The following LYRM4 variants were observed in gnomAD, a reference collection of about 807,000 sequenced individuals.
The protein encoded by LYRM4 is LYR motif containing 4.
Under a neutral mutation model 11.7 loss-of-function variants are expected in LYRM4, and 9 were observed. The ratio of observed to expected loss-of-function variants is 0.77; its 90% CI spans 0.46 to 1.34. LYRM4 has a LOEUF of 1.34. Ranked by LOEUF, LYRM4 falls within the 40% of genes most tolerant of loss-of-function variation. LYRM4 has a pLI of 0.00. For missense variants in LYRM4, 133 were observed against 112.5 expected (o/e 1.18, Z -0.82); for synonymous variants, 42 against 40.4 (o/e 1.04, Z -0.15).
At chr6:5,184,373 G>A (rs1213658381) in intron 2 of LYRM4, among the ~76,000 whole-genome samples, 2 of 152,100 alleles carry the variant, frequency 1.3e-5, no homozygotes, top group Non-Finnish European at 2.9e-5. Context: ...AAAAGAAGTT[G>A]AAATTTTCTT....
At chr6:5,039,916 A>G in the LYRM4 span, among the ~76,000 whole-genome samples, 1 of 152,354 alleles carries the variant, frequency 6.6e-6, no homozygotes, top group Middle Eastern at 3.4e-3. Context: ...ATAGACCAAT[A>G]GAAAAGAACA....
At chr6:5,042,939 A>T in the LYRM4 span, 2 of 152,290 alleles carry the variant, frequency 1.3e-5, no homozygotes, top group African/African-American at 4.8e-5. Context: ...TGCCATTCTA[A>T]AATTGACGAA....
At chr6:5,186,710 A>C (rs1760415076) in intron 2 of LYRM4, 1 of 989,802 alleles carries the variant, frequency 1.0e-6, no homozygotes, top group African/African-American at 1.8e-5. Flanking sequence ...TCTGCCGGGC[A>C]CAGTGGTTCA....
At chr6:5,067,806 C>T in the LYRM4 span, among the ~76,000 whole-genome samples, 11 of 152,110 alleles carry the variant, frequency 7.2e-5, no homozygotes, top group South Asian at 2.1e-4. Flanking sequence ...AGTATTAAAA[C>T]AAATCCCATG....
the LYRM4 span, chr6:5,034,576 C>G: frequency 2.0e-5 from 3 of 152,394 alleles, no homozygotes; most frequent in African/African-American, 7.2e-5. Flanking sequence ...CTCTTGCTTC[C>G]TCTCTCACCA....
chr6:5,051,598 C>CT, the LYRM4 span, among the ~76,000 whole-genome samples: 2 of 152,172 alleles, frequency 1.3e-5, no homozygotes, highest in South Asian at 4.1e-4. Flanking sequence ...CAAAACTATC[C>CT]TTTAAAAATG....
In LYRM4 at chr6:5,233,643, A is replaced by ATC. The variant is rs576689793; in HGVS notation, c.87-16907_87-16906dup. Reference sequence around the variant, plus strand: ...ATCCTAAGAAGTGCCTCAGATCTCAATCTCTCTCTCTCTTTTTAAAGACAG... The same window carrying ATC: ...ATCCTAAGAAGTGCCTCAGATCTCAATCTCTCTCTCTCTCTTTTTAAAGACAG... On this transcript the variant is annotated intron_variant, in intron 1 of 2. Transcript: ENST00000330636. Among the ~76,000 whole-genome samples, 184 of 151,966 alleles carry ATC rather than the reference A, an allele frequency of 1.2e-3. 1 individual carries two copies. The highest frequency in any genetic ancestry group is 4.2e-3 in the African/African-American group (173 of 41,438).
chr6:5,144,960 A>T (rs200867), intron 2 of LYRM4, among the ~76,000 whole-genome samples: 2 of 152,106 alleles, frequency 1.3e-5, no homozygotes, highest in African/African-American at 2.4e-5. Flanking sequence ...ATGAGCCCAA[A>T]GTGAGAGTCA....
At chr6:5,085,241 G>C in the LYRM4 span, 71 of 465,438 alleles carry the variant, frequency 1.5e-4, no homozygotes, top group Non-Finnish European at 2.2e-4. Context: ...GGTTCAACCG[G>C]GAGGCGGCGT....
Position 5,108,879 on chromosome 6 carries a change from C to T in LYRM4, c.*544G>A, listed in dbSNP as rs565988062. 174 of 988,388 alleles carry T rather than the reference C, an allele frequency of 1.8e-4. 1 individual carries two copies. The African/African-American group carries it at 2.3e-3, about 13-fold the overall frequency. The allele number at this position is 988,388 out of a possible 1,614,324, so 61.2% of individuals were successfully genotyped here. A position where few individuals can be genotyped will look rare whatever the true frequency, so the allele number is the denominator to read the frequency against. ...CTCAGGTATAAGTTGCAGGGTGCACCGTGTATCCCCGTAGCCCTGCCCTAC... is the reference window on the plus strand; with the variant it reads ...CTCAGGTATAAGTTGCAGGGTGCACTGTGTATCCCCGTAGCCCTGCCCTAC... On this transcript the variant is annotated 3_prime_UTR_variant, in exon 3 of 3. Transcript: ENST00000330636.
chr6:5,049,312 C>G, the LYRM4 span, among the ~76,000 whole-genome samples: 1 of 152,202 alleles, frequency 6.6e-6, no homozygotes, highest in African/African-American at 2.4e-5. Context: ...CCATTGGACT[C>G]TGAAGGCACT....
At chr6:5,163,405 C>T (rs1269501561) in intron 2 of LYRM4, among the ~76,000 whole-genome samples, 3 of 152,056 alleles carry the variant, frequency 2.0e-5, no homozygotes, top group Admixed American at 6.6e-5. Flanking sequence ...TCTGTTTCAC[C>T]GATCAGTTTG....
intron 1 of LYRM4, among the ~76,000 whole-genome samples, chr6:5,245,210 T>C (rs1042710522): frequency 6.8e-5 from 9 of 131,436 alleles, no homozygotes; most frequent in Non-Finnish European, 1.4e-4. Flanking sequence ...TAAATTTGGT[T>C]TGGGAAAACA....
the LYRM4 span, among the ~76,000 whole-genome samples, chr6:5,068,365 C>T: frequency 7.9e-5 from 12 of 152,318 alleles, no homozygotes; most frequent in East Asian, 3.9e-4. This position sits in a 1 kb window ranked among gnomAD's most constrained non-coding sequence, Gnocchi z 4.0. Flanking sequence ...CCTGCCAGCA[C>T]GCCGGCCCCT....
intron 2 of LYRM4, among the ~76,000 whole-genome samples, chr6:5,167,878 G>A (rs936166346): frequency 1.3e-5 from 2 of 151,774 alleles, no homozygotes; most frequent in Admixed American, 1.3e-4. Flanking sequence ...ACTATGGATA[G>A]AAAATAACTA....
chr6:5,146,589 G>A (rs1757739443), intron 2 of LYRM4, among the ~76,000 whole-genome samples: 1 of 152,082 alleles, frequency 6.6e-6, no homozygotes, highest in Non-Finnish European at 1.5e-5. Flanking sequence ...ATTTCCCCCT[G>A]AAGCGGGCCT....
the LYRM4 span, among the ~76,000 whole-genome samples, chr6:5,057,185 AC>A: frequency 1.7e-3 from 261 of 151,558 alleles, 1 homozygote; most frequent in African/African-American, 6.1e-3. Flanking sequence ...TCTCAACCCA[AC>A]CCCCCTTTCC....
At chr6:5,136,279 C>G in intron 2 of LYRM4, 1 of 983,968 alleles carries the variant, frequency 1.0e-6, no homozygotes, top group Non-Finnish European at 1.2e-6. Flanking sequence ...ATCATTTGGT[C>G]ATTCTATTCA....
the LYRM4 span, among the ~76,000 whole-genome samples, chr6:5,084,001 G>C: frequency 6.6e-6 from 1 of 152,172 alleles, no homozygotes; most frequent in Non-Finnish European, 1.5e-5. Context: ...TGGGAGCAGT[G>C]GGGGGCGCCT....
Sources: gnomAD v4.1 joint callset for allele counts (sites outside exome capture counted in the v4.1 genomes callset) on GRCh38, gnomAD v4.1.1 for gene constraint, Gnocchi (gnomAD v3.1) non-coding constraint, MANE v1.5 for transcripts, NCBI Gene and HGNC (gene_info 2026-07-23, HGNC 2026-07-21) for gene names.